PLXDC2: variants seen among roughly 807,000 people sequenced by gnomAD.
The protein encoded by PLXDC2 is plexin domain-containing protein 2.
Under a neutral mutation model 68.9 loss-of-function variants are expected in PLXDC2, and 40 were observed. The ratio of observed to expected loss-of-function variants is 0.58; its 90% CI spans 0.45 to 0.76. PLXDC2 has a LOEUF of 0.76. PLXDC2 is among the 30% of genes least tolerant of loss of function. The pLI is 0.00. For missense variants in PLXDC2, 644 were observed against 661.9 expected, an observed-to-expected ratio of 0.97 and a Z score of 0.30; for synonymous variants, 243 against 234.2, an observed-to-expected ratio of 1.04 and a Z score of -0.34.
chr10:20,237,066 C>A (rs1314045933), intron 12 of PLXDC2, among the ~76,000 whole-genome samples: 1 of 151,164 alleles, frequency 6.6e-6, no homozygotes, highest in Non-Finnish European at 1.5e-5. Context: ...ATATATTTCC[C>A]TGAATAAATT....
At chr10:20,179,520 G>A (rs969735949) in intron 9 of PLXDC2, among the ~76,000 whole-genome samples, 1 of 151,906 alleles carries the variant, frequency 6.6e-6, no homozygotes, top group Non-Finnish European at 1.5e-5. Flanking sequence ...AAAAAAACAA[G>A]GACCATTTGA....
At chr10:20,256,957 G>GT (rs1835750274) in intron 13 of PLXDC2, among the ~76,000 whole-genome samples, 1 of 152,192 alleles carries the variant, frequency 6.6e-6, no homozygotes, top group South Asian at 2.1e-4. Flanking sequence ...GAAAGAGTAA[G>GT]TACCCCATAC....
chr10:20,064,989 C>T (rs752082465), intron 3 of PLXDC2, among the ~76,000 whole-genome samples: 2 of 152,030 alleles, frequency 1.3e-5, no homozygotes, highest in Non-Finnish European at 2.9e-5. Context: ...CAACACTGTA[C>T]CTGCTATTGT....
intron 12 of PLXDC2, among the ~76,000 whole-genome samples, chr10:20,238,449 C>G (rs1183070133): frequency 2.0e-5 from 3 of 150,178 alleles, no homozygotes; most frequent in Non-Finnish European, 4.4e-5. Flanking sequence ...GAGTTCAAGA[C>G]CAGCCTGGCC....
intron 12 of PLXDC2, among the ~76,000 whole-genome samples, chr10:20,221,388 C>G (rs902457596): frequency 3.3e-5 from 5 of 152,142 alleles, no homozygotes; most frequent in African/African-American, 1.2e-4. Flanking sequence ...CTGTTGGATT[C>G]TCAGATGATA....
intron 5 of PLXDC2, among the ~76,000 whole-genome samples, chr10:20,146,518 T>TCCTTCCTC (rs1217081598): frequency 1.3e-3 from 148 of 115,650 alleles, no homozygotes; most frequent in Non-Finnish European, 2.2e-3. Context: ...CTTCCTTCCT[T>TCCTTCCTC]CCTCCCTCCC....
chr10:19,983,522 G>A (rs936096814), intron 1 of PLXDC2, among the ~76,000 whole-genome samples: 1 of 152,166 alleles, frequency 6.6e-6, no homozygotes, highest in African/African-American at 2.4e-5. Flanking sequence ...TGCTGAGGGG[G>A]TGAGGACATT....
rs559755996 is a variant in PLXDC2, at chr10:19,829,090, C to T, written c.112+11899C>T. On this transcript the variant is annotated intron_variant, in intron 1 of 13. Transcript: ENST00000377252. ...ACTTTCTGTCCTTCCCCAGGATCCC[C>T]GTACATTGTCTCTGTTCTGAAATTG... is the stretch of plus-strand genomic sequence containing the variant. 4.9e-4 allele frequency among the ~76,000 whole-genome samples: 74 copies of T among 151,380 alleles called. 1 individual carries two copies. The South Asian group carries it at 0.013, about 26-fold the overall frequency.
At chr10:19,993,489 G>A (rs984653524) in intron 1 of PLXDC2, among the ~76,000 whole-genome samples, 4 of 151,976 alleles carry the variant, frequency 2.6e-5, no homozygotes, top group Non-Finnish European at 4.4e-5. Context: ...GTGCAATCTC[G>A]GTTCACTGCA....
At chr10:20,203,989 A>G (rs560588640) in intron 9 of PLXDC2, among the ~76,000 whole-genome samples, 1 of 151,504 alleles carries the variant, frequency 6.6e-6, no homozygotes, top group Admixed American at 6.6e-5. Flanking sequence ...AAACTTCATA[A>G]GTGATCCTAC....
At chr10:19,928,335 CTT>C (rs1285919995) in intron 1 of PLXDC2, among the ~76,000 whole-genome samples, 1 of 152,136 alleles carries the variant, frequency 6.6e-6, no homozygotes, top group Admixed American at 6.6e-5. Context: ...TTGTGAAAGA[CTT>C]TAGGTCTGGG....
At chr10:19,866,033 T>A (rs1313471930) in intron 1 of PLXDC2, among the ~76,000 whole-genome samples, 1 of 152,190 alleles carries the variant, frequency 6.6e-6, no homozygotes, top group Non-Finnish European at 1.5e-5. Context: ...AAAAAATAAA[T>A]TACTGGAATG....
chr10:19,916,725 C>T (rs1434270741), intron 1 of PLXDC2, among the ~76,000 whole-genome samples: 2 of 152,254 alleles, frequency 1.3e-5, no homozygotes, highest in East Asian at 1.9e-4. Context: ...TCAAACTTTT[C>T]CCCATAGATC....
At position 20,069,320 on chromosome 10, in the gene PLXDC2, A is replaced by G. The variant is rs531579548; in HGVS notation, c.541+1081A>G. On this transcript the variant is annotated intron_variant, in intron 4 of 13. Coordinates refer to ENST00000377252, the MANE Select transcript of PLXDC2 (RefSeq NM_032812.9). ...CCTTAGAGGTGTGTAGCTTAGTGGAATATTAGGCAAAGTGAAGGAGAATAT... is the reference window on the plus strand; with the variant it reads ...CCTTAGAGGTGTGTAGCTTAGTGGAGTATTAGGCAAAGTGAAGGAGAATAT... Among the ~76,000 whole-genome samples, 43 of 152,308 alleles carry G rather than the reference A, an allele frequency of 2.8e-4. No homozygotes were observed. In the South Asian group the frequency reaches 4.3e-3, roughly 15 times the overall value.
chr10:20,195,826 C>G (rs1182515396), intron 9 of PLXDC2, among the ~76,000 whole-genome samples: 1 of 151,994 alleles, frequency 6.6e-6, no homozygotes, highest in African/African-American at 2.4e-5. Context: ...GATAGACAAC[C>G]TTAAAACACC....
chr10:20,047,038 T>C, intron 3 of PLXDC2, 23 bp downstream of exon 3: 1 of 1,561,126 alleles, frequency 6.4e-7, no homozygotes, highest in Non-Finnish European at 8.7e-7. Context: ...ACATTCAGGG[T>C]TCATTTTACC....
chr10:20,252,903 G>A (rs907883921), intron 13 of PLXDC2, among the ~76,000 whole-genome samples: 28 of 152,060 alleles, frequency 1.8e-4, no homozygotes, highest in Admixed American at 9.8e-4. Context: ...TTTTTTGATC[G>A]CTTGAGCTCA....
chr10:20,247,895 A>C (rs1046382969), intron 13 of PLXDC2, among the ~76,000 whole-genome samples: 2 of 152,202 alleles, frequency 1.3e-5, no homozygotes, highest in African/African-American at 4.8e-5. Flanking sequence ...TCAGTAATTG[A>C]GATATTATCA....
chr10:20,080,252 G>T (rs1836527483), intron 4 of PLXDC2, among the ~76,000 whole-genome samples: 1 of 152,176 alleles, frequency 6.6e-6, no homozygotes, highest in Non-Finnish European at 1.5e-5. Flanking sequence ...ATTGCAGGTT[G>T]TATTAGGGTT....
Sources: allele counts gnomAD v4.1 joint callset (sites outside exome capture counted in the v4.1 genomes callset), GRCh38; gene constraint gnomAD v4.1.1; transcripts MANE v1.5; gene names NCBI Gene and HGNC (gene_info 2026-07-23, HGNC 2026-07-21).